The following PTPRT variants were observed in gnomAD, a reference collection of about 807,000 sequenced individuals.
PTPRT encodes receptor-type tyrosine-protein phosphatase T.
A neutral mutation model predicts 176.8 loss-of-function variants in PTPRT; 56 were observed. The observed-to-expected ratio is 0.32, with a 90% CI of 0.26 to 0.40. PTPRT has a LOEUF of 0.40. PTPRT is among the 10% of genes least tolerant of loss of function. The pLI is 1.00. For missense variants in PTPRT, 1,540 were observed against 1,908.2 expected (o/e 0.81, Z 3.60); for synonymous variants, 783 against 739.0 (o/e 1.06, Z -0.96).
At chr20:42,269,743 C>T (rs576860201) in intron 13 of PTPRT, among the ~76,000 whole-genome samples, 91 of 152,292 alleles carry the variant, frequency 6.0e-4, no homozygotes, top group Non-Finnish European at 1.0e-3. Context: ...TGCATGTGTA[C>T]GGTCTACAAC....
chr20:42,386,807 C>T (rs1568834804), intron 9 of PTPRT, among the ~76,000 whole-genome samples: 2 of 152,102 alleles, frequency 1.3e-5, no homozygotes, highest in African/African-American at 4.8e-5. Flanking sequence ...TTGCAGTGAG[C>T]CGAGATTGTG....
intron 9 of PTPRT, among the ~76,000 whole-genome samples, chr20:42,421,368 G>T (rs1375041572): frequency 6.6e-6 from 1 of 152,116 alleles, no homozygotes. Flanking sequence ...TCTGGAATCT[G>T]TGAATGTGAC....
rs185673918 is a variant in PTPRT at position 42,448,842 on chromosome 20, A to T, written c.1451-513T>A. 7.0e-3 allele frequency among the ~76,000 whole-genome samples: 1,026 copies of T among 147,548 alleles called. 13 individuals are homozygous for T. Among genetic ancestry groups the T allele is most frequent in the African/African-American group, 0.025 (980 of 39,150 alleles). On this transcript the variant is annotated intron_variant, in intron 8 of 30. Transcript: ENST00000373187. ...CCACACATAAAATACACTAACACGA[A>T]CGATAGTTCATGAGCTAAAAAAAAA...
At chr20:42,852,012 T>C (rs1284359938) in intron 2 of PTPRT, among the ~76,000 whole-genome samples, 1 of 152,248 alleles carries the variant, frequency 6.6e-6, no homozygotes, top group Non-Finnish European at 1.5e-5. Flanking sequence ...TATCTTATTT[T>C]GTATTCTGTT....
At chr20:43,130,813 TCA>T (rs1491168430) in intron 1 of PTPRT, among the ~76,000 whole-genome samples, 5 of 121,680 alleles carry the variant, frequency 4.1e-5, no homozygotes, top group East Asian at 2.2e-4. Flanking sequence ...GGAAGGATTT[TCA>T]AAAAAAAAAA....
chr20:43,140,517 A>G (rs2013973002), intron 1 of PTPRT, among the ~76,000 whole-genome samples: 1 of 146,378 alleles, frequency 6.8e-6, no homozygotes, highest in Non-Finnish European at 1.5e-5. Context: ...CGTGTGTGTA[A>G]GTACATGCAT....
intron 1 of PTPRT, among the ~76,000 whole-genome samples, chr20:42,981,675 C>CTGGG (rs1324764754): frequency 6.6e-6 from 1 of 152,148 alleles, no homozygotes; most frequent in African/African-American, 2.4e-5. Context: ...ATGAGAGAAC[C>CTGGG]CAGCAGAAAC....
At chr20:43,159,301 G>A (rs938505856) in intron 1 of PTPRT, among the ~76,000 whole-genome samples, 1 of 152,226 alleles carries the variant, frequency 6.6e-6, no homozygotes, top group Non-Finnish European at 1.5e-5. Context: ...TTTGGAGAAA[G>A]AGATGCAATT....
chr20:42,663,336 G>A (rs6130188), intron 7 of PTPRT, among the ~76,000 whole-genome samples: 3 of 152,124 alleles, frequency 2.0e-5, no homozygotes, highest in Non-Finnish European at 4.4e-5. Context: ...CCTGTTGAAA[G>A]GACTTTTAAA....
intron 1 of PTPRT, among the ~76,000 whole-genome samples, chr20:43,135,130 T>C (rs1023416347): frequency 7.2e-5 from 11 of 152,088 alleles, no homozygotes; most frequent in Non-Finnish European, 1.6e-4. Flanking sequence ...ATGTCTGGGG[T>C]TTTTTGTGTT....
intron 17 of PTPRT, among the ~76,000 whole-genome samples, chr20:42,155,642 G>T (rs2146478635): frequency 6.6e-6 from 1 of 152,270 alleles, no homozygotes; most frequent in African/African-American, 2.4e-5. Context: ...ATTCAAGATA[G>T]TTCATACATT....
intron 7 of PTPRT, among the ~76,000 whole-genome samples, chr20:42,488,177 A>T (rs1013419742): frequency 6.6e-6 from 1 of 152,098 alleles, no homozygotes; most frequent in East Asian, 1.9e-4. Context: ...CTTCTTACTC[A>T]TCACTGTCAG....
intron 9 of PTPRT, among the ~76,000 whole-genome samples, chr20:42,412,497 G>A (rs1055810210): frequency 6.6e-6 from 1 of 152,128 alleles, no homozygotes; most frequent in Non-Finnish European, 1.5e-5. Flanking sequence ...AAAACAGTTA[G>A]GCAGCTTCTT....
chr20:43,145,245 G>A (rs2014135731), intron 1 of PTPRT, among the ~76,000 whole-genome samples: 1 of 152,182 alleles, frequency 6.6e-6, no homozygotes, highest in African/African-American at 2.4e-5. Flanking sequence ...CTTTATTTAT[G>A]TATTTATTTA....
intron 12 of PTPRT, among the ~76,000 whole-genome samples, chr20:42,309,592 G>A (rs568571656): frequency 2.0e-4 from 31 of 152,290 alleles, no homozygotes; most frequent in Non-Finnish European, 3.5e-4. Context: ...CCTACTTGGT[G>A]CTTTTCATTA....
intron 12 of PTPRT, among the ~76,000 whole-genome samples, chr20:42,290,326 G>A (rs1002432332): frequency 6.6e-6 from 1 of 152,002 alleles, no homozygotes; most frequent in African/African-American, 2.4e-5. Context: ...AAATCTGCAT[G>A]CAGGTATAAA....
chr20:42,373,314 G>A (rs549292905), intron 9 of PTPRT, among the ~76,000 whole-genome samples: 2 of 152,300 alleles, frequency 1.3e-5, no homozygotes, highest in Admixed American at 6.5e-5. Context: ...GTCACCAAAG[G>A]AAGCATTTTG....
At chr20:42,932,317 G>A (rs1344838949) in intron 1 of PTPRT, among the ~76,000 whole-genome samples, 1 of 152,230 alleles carries the variant, frequency 6.6e-6, no homozygotes, top group Non-Finnish European at 1.5e-5. Context: ...GGGGGCATGT[G>A]CCTGGTCTAG....
intron 1 of PTPRT, among the ~76,000 whole-genome samples, chr20:43,100,238 A>G (rs2012339023): frequency 6.6e-6 from 1 of 152,154 alleles, no homozygotes; most frequent in Non-Finnish European, 1.5e-5. Context: ...CTAGCTGGGC[A>G]TCATGACACA....
Sources: gnomAD v4.1 joint callset for allele counts (sites outside exome capture counted in the v4.1 genomes callset) on GRCh38, gnomAD v4.1.1 for gene constraint, MANE v1.5 for transcripts, NCBI Gene and HGNC (gene_info 2026-07-23, HGNC 2026-07-21) for gene names.